The following DNAJC3 variants were observed in gnomAD, a reference collection of about 807,000 sequenced individuals.
DNAJC3 encodes DnaJ heat shock protein family (Hsp40) member C3.
A neutral mutation model predicts 68.6 loss-of-function variants in DNAJC3; 38 were observed. The ratio of observed to expected loss-of-function variants is 0.55; its 90% CI spans 0.43 to 0.73. DNAJC3 has a LOEUF of 0.73. Among genes scored for constraint, DNAJC3 ranks in the 30% least tolerant of loss-of-function variants. The pLI, the probability that DNAJC3 is intolerant of heterozygous loss-of-function variation, is 0.00. For missense variants in DNAJC3, 526 were observed against 591.9 expected (o/e 0.89, Z 1.16); for synonymous variants, 203 against 204.0 (o/e 1.00, Z 0.04).
At chr13:95,716,018 C>T (rs1197954803) in intron 2 of DNAJC3, among the ~76,000 whole-genome samples, 8 of 151,736 alleles carry the variant, frequency 5.3e-5, no homozygotes, top group East Asian at 2.0e-4. Flanking sequence ...GTTAACCGGG[C>T]GTGGTGGCAG....
rs142933580 is a variant in DNAJC3 at position 95,779,119 on chromosome 13, C to CTTTTT, written c.1076-6801_1076-6797dup. Among the ~76,000 whole-genome samples, 238 of 97,932 alleles carry CTTTTT rather than the reference C, an allele frequency of 2.4e-3. 1 individual carries two copies. Among genetic ancestry groups the CTTTTT allele is most frequent in the Non-Finnish European group, 3.6e-3 (190 of 52,886 alleles). 64.2% of individuals were successfully genotyped at this position (97,932 alleles called of 152,430 possible). A position where few individuals can be genotyped will look rare whatever the true frequency, so the allele number is the denominator to read the frequency against. ...TATAATCTTTGATATTTTCTTCTTT[C>CTTTTT]TTTTTTTTTTTTTTTTTTTTTTTGA... On this transcript the variant is annotated intron_variant, in intron 9 of 11. Transcript: ENST00000602402.
Position 95,726,471 on chromosome 13 carries a change from T to G in DNAJC3, c.393+1219T>G, listed in dbSNP as rs565909625. Among the ~76,000 whole-genome samples the G allele has an allele frequency of 2.6e-5, 4 of 152,348 alleles. No homozygotes were observed. The South Asian group carries it at 8.3e-4, about 32-fold the overall frequency. On this transcript the variant is annotated intron_variant, in intron 4 of 11. Transcript: ENST00000602402. ...TGTGTTTTTTGGCTGCATAAATGTC[T>G]TCTTTTGAGAAGTGTCTGTTCATAT...
At chr13:95,780,105 A>G (rs1883408799) in intron 9 of DNAJC3, among the ~76,000 whole-genome samples, 1 of 152,166 alleles carries the variant, frequency 6.6e-6, no homozygotes, top group South Asian at 2.1e-4. Flanking sequence ...TTCCACAGAC[A>G]TTCTGCTTCC....
chr13:95,786,957 G>A, intron 10 of DNAJC3, 50 bp from the exon 11 acceptor site: 2 of 1,563,380 alleles, frequency 1.3e-6, no homozygotes, highest in Non-Finnish European at 1.7e-6. Flanking sequence ...TTTTATGATA[G>A]TATGTTAGAC....
At position 95,788,266 on chromosome 13, in the gene DNAJC3, C is replaced by G. The variant is rs149925952; in HGVS notation, c.1357+1111C>G. On this transcript the variant is annotated intron_variant, in intron 11 of 11. Transcript: ENST00000602402. Reference sequence around the variant, plus strand: ...CTGAGTGGCTACAACCTGCCTTAAGCAGTTCAATCCTCTTAGTTTGTGCAG... The same window carrying G: ...CTGAGTGGCTACAACCTGCCTTAAGGAGTTCAATCCTCTTAGTTTGTGCAG... Among the ~76,000 whole-genome samples the G allele has an allele frequency of 6.6e-5, 10 of 152,340 alleles. No homozygotes were observed. In the East Asian group the frequency reaches 1.9e-3, roughly 30 times the overall value.
At chr13:95,688,926 G>GT (rs1491348412) in intron 1 of DNAJC3, among the ~76,000 whole-genome samples, 45 of 80,944 alleles carry the variant, frequency 5.6e-4, no homozygotes, top group Admixed American at 1.5e-3. Flanking sequence ...TTGATTGTGT[G>GT]GGTGTGTGTG....
chr13:95,677,172 G>C lies in DNAJC3; in HGVS notation c.-84G>C. 1.5e-6 allele frequency: 2 copies of C among 1,311,960 alleles called. No homozygotes were observed. Among genetic ancestry groups the C allele is most frequent in the South Asian group, 1.3e-5 (1 of 74,496 alleles). 81.3% of individuals were successfully genotyped at this position (1,311,960 alleles called of 1,614,324 possible). A position where few individuals can be genotyped will look rare whatever the true frequency, so the allele number is the denominator to read the frequency against. Reference sequence around the variant, plus strand: ...TGAGGCCTGAGCGAGAGCCGACGGCGGGCGGGCGCAGCTGCTGCCGGAGCG... The same window carrying C: ...TGAGGCCTGAGCGAGAGCCGACGGCCGGCGGGCGCAGCTGCTGCCGGAGCG... On this transcript the variant is annotated 5_prime_UTR_variant, in exon 1 of 12. Transcript: ENST00000602402.
At chr13:95,760,571 TTTG>T (rs751393349) in intron 6 of DNAJC3, 105 bp from the exon 7 acceptor site, 11 of 1,398,978 alleles carry the variant, frequency 7.9e-6, no homozygotes, top group Non-Finnish European at 1.1e-5. Flanking sequence ...CAGTATGGTT[TTTG>T]TTTAATCGTT....
rs370308089 is a variant in DNAJC3 at position 95,774,437 on chromosome 13, G to A, written c.1075+10484G>A. On this transcript the variant is annotated intron_variant, in intron 9 of 11. Coordinates refer to ENST00000602402, the MANE Select transcript of DNAJC3 (RefSeq NM_006260.5). ...CTTCCTTTTAAATTTATTTAGGCTT[G>A]TTTTGTGGTCCAGCATGGTATCTAC... Among the ~76,000 whole-genome samples the A allele has an allele frequency of 1.7e-3, 265 of 152,234 alleles. 9 individuals are homozygous for A. The South Asian group carries it at 0.053, about 30-fold the overall frequency.
At chr13:95,781,535 A>G (rs1180965170) in intron 9 of DNAJC3, among the ~76,000 whole-genome samples, 2 of 152,076 alleles carry the variant, frequency 1.3e-5, no homozygotes, top group African/African-American at 2.4e-5. Flanking sequence ...CTATGATTAT[A>G]TTACTTTTCG....
chr13:95,707,364 T>A (rs1303408892), intron 1 of DNAJC3, among the ~76,000 whole-genome samples: 1 of 152,192 alleles, frequency 6.6e-6, no homozygotes, highest in Non-Finnish European at 1.5e-5. Context: ...ATCAAAGTCC[T>A]TATTTTCATA....
At chr13:95,721,624 G>A (rs969640009) in intron 2 of DNAJC3, among the ~76,000 whole-genome samples, 1 of 149,802 alleles carries the variant, frequency 6.7e-6, no homozygotes. Context: ...GTGTGAATTG[G>A]TATCTCAATG....
intron 9 of DNAJC3, among the ~76,000 whole-genome samples, chr13:95,782,131 A>T (rs1566515944): frequency 6.6e-6 from 1 of 152,156 alleles, no homozygotes; most frequent in Non-Finnish European, 1.5e-5. Context: ...GAAGGACTTG[A>T]ACTCACCTTT....
At chr13:95,726,868 A>T (rs139470380) in intron 4 of DNAJC3, among the ~76,000 whole-genome samples, 2 of 152,252 alleles carry the variant, frequency 1.3e-5, no homozygotes, top group Non-Finnish European at 2.9e-5. Context: ...TTCTAACATT[A>T]TCATAACACT....
At chr13:95,693,847 T>G (rs1285158857) in intron 1 of DNAJC3, 1 of 152,140 alleles carries the variant, frequency 6.6e-6, no homozygotes, top group African/African-American at 2.4e-5. Flanking sequence ...ATTAGAAAAG[T>G]CCATACCAAA....
chr13:95,691,198 C>T (rs1408447590), intron 1 of DNAJC3, among the ~76,000 whole-genome samples: 1 of 149,874 alleles, frequency 6.7e-6, no homozygotes, highest in Non-Finnish European at 1.5e-5. Flanking sequence ...GGCGGCTGAC[C>T]CCCCCACCTC....
At chr13:95,765,232 G>A (rs761148877) in intron 9 of DNAJC3, among the ~76,000 whole-genome samples, 5 of 152,018 alleles carry the variant, frequency 3.3e-5, no homozygotes, top group African/African-American at 9.7e-5. Context: ...TAGCATACTC[G>A]TTTTCTTTCC....
chr13:95,702,444 G>C (rs76180792), intron 1 of DNAJC3, among the ~76,000 whole-genome samples: 1 of 152,324 alleles, frequency 6.6e-6, no homozygotes, highest in African/African-American at 2.4e-5. Flanking sequence ...GCTATGGTCT[G>C]AATATTTGTG....
intron 2 of DNAJC3, among the ~76,000 whole-genome samples, chr13:95,722,393 G>T (rs1244171854): frequency 1.3e-5 from 2 of 152,054 alleles, no homozygotes; most frequent in African/African-American, 4.8e-5. Context: ...CTAAAACCCT[G>T]GACACCAATG....
Sources: allele counts gnomAD v4.1 joint callset (sites outside exome capture counted in the v4.1 genomes callset), GRCh38; gene constraint gnomAD v4.1.1; transcripts MANE v1.5; gene names NCBI Gene and HGNC (gene_info 2026-07-23, HGNC 2026-07-21).